Variants in SYNE1 observed in about 807,000 individuals in gnomAD.
The protein encoded by SYNE1 is spectrin repeat containing nuclear envelope protein 1.
In SYNE1, 616 loss-of-function variants were observed where a neutral mutation model predicts 1,111.0. That is an observed-to-expected ratio of 0.55 (90% CI 0.52 to 0.59). The LOEUF (loss-of-function observed/expected upper bound fraction) is 0.59, where lower values mean the gene tolerates loss of function less well. Ranked by LOEUF, SYNE1 falls within the 20% of genes least tolerant of loss-of-function variation. The pLI is 0.00. For synonymous variants in SYNE1, 3,855 were observed against 3,825.8 expected (o/e 1.01, Z -0.28); for missense variants, 10,006 against 10,417.0 (o/e 0.96, Z 1.72).
chr6:152,275,467 T>A (rs2093549907), intron 98 of SYNE1, among the ~76,000 whole-genome samples: 1 of 152,232 alleles, frequency 6.6e-6, no homozygotes, highest in South Asian at 2.1e-4. Context: ...CTAAAATATT[T>A]ATCAAATTCC....
intron 12 of SYNE1, among the ~76,000 whole-genome samples, chr6:152,487,419 T>C (rs775028002): frequency 6.6e-6 from 1 of 152,228 alleles, no homozygotes; most frequent in Non-Finnish European, 1.5e-5. Flanking sequence ...ATGGTGTATA[T>C]GTACCAGATT....
Position 152,344,041 on chromosome 6 carries a change from T to G in SYNE1, c.12225+40A>C, listed in dbSNP as rs183367183. 1.2e-5 allele frequency: 20 copies of G among 1,613,574 alleles called. No homozygotes were observed. In the African/African-American group the frequency reaches 2.7e-4, roughly 22 times the overall value. On this transcript the variant is annotated intron_variant, in intron 74 of 145. Transcript: ENST00000367255. ...CACACATTTTCACTGACGCTCTGAATGATTCACAAGAATAACACAAACTTT... is the reference window on the plus strand; with the variant it reads ...CACACATTTTCACTGACGCTCTGAAGGATTCACAAGAATAACACAAACTTT...
At chr6:152,167,522 A>G (rs576161981) in intron 130 of SYNE1, among the ~76,000 whole-genome samples, 4 of 152,234 alleles carry the variant, frequency 2.6e-5, no homozygotes, top group Admixed American at 6.5e-5. Flanking sequence ...AAACATTTGC[A>G]TAATGCACTA....
chr6:152,512,362 CTT>C (rs2099089231), intron 6 of SYNE1, among the ~76,000 whole-genome samples: 1 of 152,074 alleles, frequency 6.6e-6, no homozygotes, highest in African/African-American at 2.4e-5. Flanking sequence ...TTTAAGATAT[CTT>C]TATGGAAAAT....
At chr6:152,316,570 G>T (rs541272057) in intron 87 of SYNE1, 2 of 426,278 alleles carry the variant, frequency 4.7e-6, no homozygotes, top group East Asian at 9.9e-5. Context: ...TTATTTCAAA[G>T]AAGCTACAGA....
intron 129 of SYNE1, among the ~76,000 whole-genome samples, chr6:152,178,238 T>A (rs1324710184): frequency 6.6e-6 from 1 of 151,354 alleles, no homozygotes; most frequent in Non-Finnish European, 1.5e-5. Context: ...CATCCTAAAT[T>A]TAGTAAAAAA....
chr6:152,331,175 T>G lies in SYNE1; in HGVS notation c.13510A>C (p.Lys4504Gln), dbSNP rs187045253. The G allele has an allele frequency of 1.9e-6, 3 of 1,614,104 alleles. No homozygotes were observed. In the African/African-American group the frequency reaches 4.0e-5, roughly 22 times the overall value. The part of the protein sequence containing the change: ...KTCKSAQASL[K>Q]TYQNEVTGLW... Reference sequence around the variant, plus strand: ...CCAGTGACTTCATTTTGGTAAGTCTTGAGGCTGGCTTGTGCACTCTTACAT... The same window carrying G: ...CCAGTGACTTCATTTTGGTAAGTCTGGAGGCTGGCTTGTGCACTCTTACAT... The change falls in exon 78 of 146, where the codon AAG (lysine) becomes CAG (glutamine). Residue 4504 changes from lysine (K) to glutamine (Q), a missense_variant. Physicochemically the swap from Lys to Gln is moderately conservative, Grantham distance 53. Around this residue, in one of 7 missense-constraint regions of SYNE1, gnomAD observed 4,955 missense variants for 5,017.2 expected, o/e 0.99. Transcript: ENST00000367255.
chr6:152,308,532 G>A lies in SYNE1; in HGVS notation c.17303C>T (p.Thr5768Ile). ...HREIEDKPVATSNIQELQAQI... is the reference protein window; with the variant it reads ...HREIEDKPVAISNIQELQAQI... ...AGCCTGCAGCTCCTGTATGTTACTG[G>A]TGGCAACAGGTTTATCCTCAATCTC... Residue 5768 changes from threonine to isoleucine, a missense_variant, in exon 91 of 146, where the codon ACC becomes ATC. By Grantham distance (89) the Thr-to-Ile change is moderately conservative. This residue lies in a region of SYNE1 where 4,955 missense variants were observed against 5,017.2 expected (regional missense o/e 0.99). Transcript: ENST00000367255. The A allele has an allele frequency of 6.2e-7, 1 of 1,613,724 alleles. No individual in the cohort carries two copies. Among genetic ancestry groups the A allele is most frequent in the Non-Finnish European group, 8.5e-7 (1 of 1,179,966 alleles).
At chr6:152,445,684 A>T (rs1006040941) in intron 29 of SYNE1, among the ~76,000 whole-genome samples, 1 of 151,956 alleles carries the variant, frequency 6.6e-6, no homozygotes, top group African/African-American at 2.4e-5. Context: ...TGAAATAATG[A>T]CTCTTCACTG....
chr6:152,151,800 G>C, intron 134 of SYNE1, 110 bp from the exon 135 acceptor site: 1 of 1,507,444 alleles, frequency 6.6e-7, no homozygotes. Flanking sequence ...TTCTCAGCAA[G>C]CAATGAGAAG....
At position 152,377,475 on chromosome 6, in the gene SYNE1, G is replaced by C. The variant is rs1490547708; in HGVS notation, c.9010-563C>G. Among the ~76,000 whole-genome samples, 4 of 150,884 alleles carry C rather than the reference G, an allele frequency of 2.7e-5. No homozygotes were observed. The East Asian group carries it at 7.8e-4, about 30-fold the overall frequency. On this transcript the variant is annotated intron_variant, in intron 56 of 145. Transcript: ENST00000367255. Reference sequence around the variant, plus strand: ...AATACAAAAATTAGCCAGTTGTGGTGGTGGGCGCCTGTAATCCCAGCTACT... The same window carrying C: ...AATACAAAAATTAGCCAGTTGTGGTCGTGGGCGCCTGTAATCCCAGCTACT...
At chr6:152,635,058 C>T (rs1175151726) in intron 2 of SYNE1, among the ~76,000 whole-genome samples, 2 of 152,232 alleles carry the variant, frequency 1.3e-5, no homozygotes, top group Admixed American at 1.3e-4. Context: ...TTCCAAGATG[C>T]TGTGTGTGCA....
chr6:152,406,829 A>G (rs1001560068), intron 45 of SYNE1, among the ~76,000 whole-genome samples, 185 bp downstream of exon 45: 3 of 152,060 alleles, frequency 2.0e-5, no homozygotes, highest in Non-Finnish European at 4.4e-5. Flanking sequence ...GATCTGGAGC[A>G]CCACTGTACT....
At chr6:152,478,699 G>T (rs1221138679) in intron 14 of SYNE1, 1 of 152,224 alleles carries the variant, frequency 6.6e-6, no homozygotes, top group Non-Finnish European at 1.5e-5. Flanking sequence ...AAGGTTTGAA[G>T]AGACAAGATA....
At position 152,301,950 on chromosome 6, in the gene SYNE1, C is replaced by G. The variant is rs1562905637; in HGVS notation, c.17460G>C (p.Glu5820Asp). The G allele has an allele frequency of 6.2e-7, 1 of 1,614,248 alleles. No individual in the cohort carries two copies. Among genetic ancestry groups the G allele is most frequent in the East Asian group, 2.2e-5 (1 of 44,876 alleles). The stretch of plus-strand genomic sequence containing the variant: ...CTGTCCCTTCCGCCAGCCCCTCGAC[C>G]TCGGTCACCGTCAGCAGCATGGTGG... ...KHATMLLTVT[E>D]VEGLAEGTED... The change falls in exon 92 of 146, where the codon GAG becomes GAC. Residue 5820 changes from glutamate (E) to aspartate (D), a missense_variant. Glu to Asp is a conservative substitution (Grantham distance 45). This residue lies in a region of SYNE1 where 4,955 missense variants were observed against 5,017.2 expected (regional missense o/e 0.99). Transcript: ENST00000367255.
intron 106 of SYNE1, among the ~76,000 whole-genome samples, chr6:152,243,543 G>A (rs113808125): frequency 2.6e-5 from 4 of 152,102 alleles, no homozygotes; most frequent in African/African-American, 7.2e-5. Flanking sequence ...GCCTATTTAC[G>A]GCAATGACAT....
rs148103037 is a variant in SYNE1 at position 152,528,738 on chromosome 6, T to C, written c.130-2563A>G. ...GATATGTTAGTACATACGATGCTTC[T>C]ATTATTACGTTTTTAGTCTTTCTTA... is the stretch of plus-strand genomic sequence containing the variant. On this transcript the variant is annotated intron_variant, in intron 4 of 145. Coordinates refer to ENST00000367255, the MANE Select transcript of SYNE1 (RefSeq NM_182961.4). Among the ~76,000 whole-genome samples, 482 of 152,354 alleles carry C rather than the reference T, an allele frequency of 3.2e-3. 5 individuals carry two copies. The highest frequency in any genetic ancestry group is 0.01 in the African/African-American group (417 of 41,590).
chr6:152,448,653 G>A (rs928780887), intron 28 of SYNE1, among the ~76,000 whole-genome samples: 2 of 152,060 alleles, frequency 1.3e-5, no homozygotes, highest in Non-Finnish European at 2.9e-5. Context: ...ACTAGCCTGA[G>A]CAACATGGCA....
At chr6:152,356,719 C>T (rs1298632295) in intron 66 of SYNE1, among the ~76,000 whole-genome samples, 1 of 152,068 alleles carries the variant, frequency 6.6e-6, no homozygotes, top group African/African-American at 2.4e-5. Context: ...CACAATTCTC[C>T]ACCACTGCTT....
Sources: allele counts gnomAD v4.1 joint callset (sites outside exome capture counted in the v4.1 genomes callset), GRCh38; gene constraint gnomAD v4.1.1; regional missense constraint gnomAD v4.1.1; transcripts MANE v1.5; gene names NCBI Gene and HGNC (gene_info 2026-07-23, HGNC 2026-07-21).